FARSB: variants seen among roughly 807,000 people sequenced by gnomAD.
FARSB encodes phenylalanine--tRNA ligase beta subunit.
In FARSB, 40 loss-of-function variants were observed where a neutral mutation model predicts 69.6. The observed-to-expected ratio is 0.57, with a 90% CI of 0.45 to 0.75. The LOEUF (loss-of-function observed/expected upper bound fraction) is 0.75. FARSB is among the 30% of genes least tolerant of loss of function. The pLI is 0.00. For missense variants in FARSB, 632 were observed against 722.9 expected, an observed-to-expected ratio of 0.87 and a Z score of 1.44; for synonymous variants, 235 against 247.2, an observed-to-expected ratio of 0.95 and a Z score of 0.46.
At chr2:222,576,790 T>C (rs944352095) in intron 16 of FARSB, among the ~76,000 whole-genome samples, 20 of 152,186 alleles carry the variant, frequency 1.3e-4, no homozygotes, top group African/African-American at 4.8e-4. Flanking sequence ...TTCCTCCTGG[T>C]TTCCCACTAG....
chr2:222,575,984 T>C (rs145533348), intron 16 of FARSB, among the ~76,000 whole-genome samples: 197 of 152,116 alleles, frequency 1.3e-3, no homozygotes, highest in African/African-American at 4.2e-3. Flanking sequence ...CATCTTTTTT[T>C]TTTTTTTTAA....
At chr2:222,634,911 A>T (rs1691540431) in intron 5 of FARSB, among the ~76,000 whole-genome samples, 1 of 152,216 alleles carries the variant, frequency 6.6e-6, no homozygotes, top group Non-Finnish European at 1.5e-5. Flanking sequence ...ATACTCAAGT[A>T]AACATGTTTT....
intron 2 of FARSB, among the ~76,000 whole-genome samples, chr2:222,647,757 T>A (rs1250788635): frequency 2.0e-5 from 3 of 152,102 alleles, no homozygotes; most frequent in African/African-American, 7.2e-5. Flanking sequence ...AGAGTGAAAC[T>A]ATATAAAGCA....
rs748247701 is a variant in FARSB at position 222,600,026 on chromosome 2, C to T, written c.1520G>A (p.Gly507Glu). 5 of 1,611,364 alleles carry T rather than the reference C, an allele frequency of 3.1e-6. No individual in the cohort carries two copies. The highest frequency in any genetic ancestry group is 4.2e-6 in the Non-Finnish European group (5 of 1,179,370). ...CAGCAGCCCATGAATGATCTCAAAC[C>T]CAGGATTCTTGTTGTAATAAACAGC... ...LCAVYYNKNP[G>E]FEIIHGLLDR... The change falls in exon 16 of 17, where the codon GGG becomes GAG. Residue 507 changes from glycine (G) to glutamate (E), a missense_variant. Physicochemically the swap from Gly to Glu is moderately conservative, Grantham distance 98. Coordinates refer to ENST00000281828, the MANE Select transcript of FARSB (RefSeq NM_005687.5).
chr2:222,639,635 CTTTAGTAAACTTTAT>C lies in FARSB; in HGVS notation c.385_399del (p.Ile129_Lys133del). On this transcript the variant is annotated inframe_deletion, in exon 5 of 17. Coordinates refer to ENST00000281828, the MANE Select transcript of FARSB (RefSeq NM_005687.5). ...AGTTCAATGAAGCTGTCATATCGAT[CTTTAGTAAACTTTAT>C]ATTACGGAGAACTGCTGCTACCGCA... The C allele has an allele frequency of 6.3e-7, 1 of 1,595,434 alleles. No individual in the cohort carries two copies. The highest frequency in any genetic ancestry group is 8.6e-7 in the Non-Finnish European group (1 of 1,169,512).
intron 2 of FARSB, among the ~76,000 whole-genome samples, chr2:222,643,355 T>C (rs1691769967): frequency 6.6e-6 from 1 of 152,154 alleles, no homozygotes; most frequent in African/African-American, 2.4e-5. Flanking sequence ...GACAGACCCA[T>C]TCATTTACAT....
intron 4 of FARSB, 55 bp from the exon 5 acceptor site, chr2:222,639,750 A>T: frequency 1.4e-6 from 1 of 731,994 alleles, no homozygotes; most frequent in Non-Finnish European, 2.2e-6. Context: ...TCTTTGTAAT[A>T]TCTTGTAATA....
In FARSB at chr2:222,569,642, G is replaced by A. The variant is rs770635423; in HGVS notation, c.*2229C>T. 2.0e-5 allele frequency: 3 copies of A among 152,128 alleles called. No individual in the cohort carries two copies. The highest frequency in any genetic ancestry group is 2.9e-5 in the Non-Finnish European group (2 of 68,034). The allele number at this position is 152,128 out of a possible 1,614,324, so 9.4% of individuals were successfully genotyped here. A position where few individuals can be genotyped will look rare whatever the true frequency, so the allele number is the denominator to read the frequency against. Reference sequence around the variant, plus strand: ...CCAAAAAGTTTTCTCTTAACCCACTGCAGTCAGTTCTCTTTCCTGAGGTCC... The same window carrying A: ...CCAAAAAGTTTTCTCTTAACCCACTACAGTCAGTTCTCTTTCCTGAGGTCC... On this transcript the variant is annotated 3_prime_UTR_variant, in exon 17 of 17. Coordinates refer to ENST00000281828, the MANE Select transcript of FARSB (RefSeq NM_005687.5).
chr2:222,597,737 C>T (rs999561617), intron 16 of FARSB, among the ~76,000 whole-genome samples: 4 of 152,112 alleles, frequency 2.6e-5, no homozygotes, highest in African/African-American at 4.8e-5. Flanking sequence ...ACGATCCAGG[C>T]CAAGTCCTCA....
rs1691485024 is a variant in FARSB at position 222,633,260 on chromosome 2, G to A, written c.654C>T (p.Pro218=). ...TGCTATCATAGATAACTGGATACAG[G>A]GGTTTGTTTTCAATGATATGTAAAT... is the stretch of plus-strand genomic sequence containing the variant. ...KHYLHIIENK[P]LYPVIYDSNG... The change falls in exon 7 of 17, where the codon CCC becomes CCT. Residue 218 remains proline, a synonymous_variant. Coordinates refer to ENST00000281828, the MANE Select transcript of FARSB (RefSeq NM_005687.5). 2 of 1,583,554 alleles carry A rather than the reference G, an allele frequency of 1.3e-6. No individual in the cohort carries two copies. Among genetic ancestry groups the A allele is most frequent in the Admixed American group, 3.6e-5 (2 of 55,846 alleles).
intron 10 of FARSB, among the ~76,000 whole-genome samples, chr2:222,625,942 T>C (rs150034577): frequency 0.011 from 1,746 of 152,276 alleles, 22 homozygotes; most frequent in African/African-American, 0.035. Context: ...TAAGTGAATG[T>C]ATGCATACAA....
At chr2:222,644,229 T>C (rs996594225) in intron 2 of FARSB, among the ~76,000 whole-genome samples, 3 of 152,192 alleles carry the variant, frequency 2.0e-5, no homozygotes, top group Admixed American at 1.3e-4. Context: ...GAGTATTATG[T>C]GCCAAAGTCC....
Position 222,567,215 on chromosome 2 carries a change from T to A in FARSB, c.*4656A>T, listed in dbSNP as rs1419386866. 1.3e-5 allele frequency: 2 copies of A among 152,236 alleles called. No individual in the cohort carries two copies. The highest frequency in any genetic ancestry group is 4.8e-5 in the African/African-American group (2 of 41,444). 9.4% of individuals were successfully genotyped at this position (152,236 alleles called of 1,614,324 possible). ...CACACTGGAGGTCAGAGGGTCAACA[T>A]GAATTTGTGGGGATACATTCAGTCC... On this transcript the variant is annotated 3_prime_UTR_variant, in exon 17 of 17. Coordinates refer to ENST00000281828, the MANE Select transcript of FARSB (RefSeq NM_005687.5).
intron 16 of FARSB, among the ~76,000 whole-genome samples, chr2:222,587,729 C>T (rs1690156456): frequency 6.6e-6 from 1 of 152,122 alleles, no homozygotes; most frequent in Non-Finnish European, 1.5e-5. Flanking sequence ...ACTATAAATA[C>T]CTCTATGAAA....
At position 222,655,996 on chromosome 2, in the gene FARSB, C is replaced by A. The variant is rs368803454; in HGVS notation, c.58+20G>T. 12 of 1,575,096 alleles carry A rather than the reference C, an allele frequency of 7.6e-6. No homozygotes were observed. Among genetic ancestry groups the A allele is most frequent in the East Asian group, 2.3e-5 (1 of 43,350 alleles). ...CTCCGAGAAGAGGCGTAGGGCCCAACGTATAGGGCCGCCACTCACTGTAGG... is the reference window on the plus strand; with the variant it reads ...CTCCGAGAAGAGGCGTAGGGCCCAAAGTATAGGGCCGCCACTCACTGTAGG... On this transcript the variant is annotated intron_variant, in intron 1 of 16. Coordinates refer to ENST00000281828, the MANE Select transcript of FARSB (RefSeq NM_005687.5).
chr2:222,633,343 T>A (rs1429144252), intron 6 of FARSB, 36 bp from the exon 7 acceptor site: 2 of 1,062,946 alleles, frequency 1.9e-6, no homozygotes, highest in Non-Finnish European at 2.8e-6. Flanking sequence ...ATTAGTTTTT[T>A]TTTTTAATTT....
At chr2:222,616,306 T>C (rs956866901) in intron 14 of FARSB, among the ~76,000 whole-genome samples, 17 of 151,748 alleles carry the variant, frequency 1.1e-4, no homozygotes, top group African/African-American at 3.6e-4. Context: ...AAAAAATTGA[T>C]GGGAGGCCAA....
At chr2:222,644,667 C>T in intron 2 of FARSB, 1 of 302,174 alleles carries the variant, frequency 3.3e-6, no homozygotes, top group Admixed American at 3.9e-5. Context: ...TTCAAGCTCC[C>T]CAGTGGATGC....
intron 16 of FARSB, among the ~76,000 whole-genome samples, chr2:222,574,373 A>G (rs1689785307): frequency 2.0e-5 from 3 of 152,220 alleles, no homozygotes; most frequent in African/African-American, 7.2e-5. Context: ...AAACATATCC[A>G]AGCATATGAG....
Sources: gnomAD v4.1 joint callset for allele counts (sites outside exome capture counted in the v4.1 genomes callset) on GRCh38, gnomAD v4.1.1 for gene constraint, MANE v1.5 for transcripts, NCBI Gene and HGNC (gene_info 2026-07-23, HGNC 2026-07-21) for gene names.